DEFB104B: variants seen among roughly 807,000 people sequenced by gnomAD.
DEFB104B encodes beta-defensin 104.
At chr8:7,474,400 G>T (rs528904410) in intron 1 of DEFB104B, among the ~76,000 whole-genome samples, 2 of 143,296 alleles carry the variant, frequency 1.4e-5, no homozygotes, top group South Asian at 4.3e-4. Flanking sequence ...ATAGATTAAC[G>T]TAGGAGTCAG....
At chr8:7,472,045 C>G (rs1196504423) in intron 1 of DEFB104B, among the ~76,000 whole-genome samples, 2 of 151,284 alleles carry the variant, frequency 1.3e-5, no homozygotes, top group Admixed American at 1.3e-4. Flanking sequence ...TGGAATGGCC[C>G]CACAGCGGGT....
In DEFB104B at chr8:7,474,758, A is replaced by T. The variant is rs367883922; in HGVS notation, c.58+253T>A. Among the ~76,000 whole-genome samples, 16 of 137,116 alleles carry T rather than the reference A, an allele frequency of 1.2e-4. 1 individual carries two copies. Among genetic ancestry groups the T allele is most frequent in the South Asian group, 1.1e-3 (5 of 4,382 alleles). 90.0% of individuals were successfully genotyped at this position (137,116 alleles called of 152,430 possible). Reference sequence around the variant, plus strand: ...ACCGTGTGTGGCCAGGGTGCCAAGGACATCTAGGACTCCTGATCCCTACGT... The same window carrying T: ...ACCGTGTGTGGCCAGGGTGCCAAGGTCATCTAGGACTCCTGATCCCTACGT... On this transcript the variant is annotated intron_variant, in intron 1 of 1. Transcript: ENST00000316169.
intron 1 of DEFB104B, among the ~76,000 whole-genome samples, chr8:7,474,534 C>G (rs1306950055): frequency 7.1e-6 from 1 of 141,358 alleles, no homozygotes; most frequent in African/African-American, 2.6e-5. Flanking sequence ...TCCTAATCAT[C>G]TGACTTGATA....
intron 1 of DEFB104B, among the ~76,000 whole-genome samples, chr8:7,474,548 A>G (rs1811063326): frequency 7.1e-6 from 1 of 141,324 alleles, no homozygotes; most frequent in Admixed American, 7.1e-5. Context: ...CTTGATATGA[A>G]AAGTTGCAAA....
At chr8:7,474,531 C>A (rs1254768044) in intron 1 of DEFB104B, among the ~76,000 whole-genome samples, 3 of 141,422 alleles carry the variant, frequency 2.1e-5, no homozygotes, top group Non-Finnish European at 4.8e-5. Context: ...TAATCCTAAT[C>A]ATCTGACTTG....
intron 1 of DEFB104B, among the ~76,000 whole-genome samples, chr8:7,471,327 C>A (rs1274107596): frequency 1.7e-5 from 2 of 120,966 alleles, no homozygotes; most frequent in African/African-American, 6.5e-5. Flanking sequence ...CATTGTGTAA[C>A]TGCTACCAGG....
intron 1 of DEFB104B, among the ~76,000 whole-genome samples, chr8:7,471,133 G>A (rs1253580359): frequency 2.6e-5 from 4 of 151,946 alleles, no homozygotes; most frequent in Non-Finnish European, 4.4e-5. Context: ...ATCACCTATC[G>A]CAAGTTGTAG....
intron 1 of DEFB104B, among the ~76,000 whole-genome samples, chr8:7,472,262 A>G (rs1405716623): frequency 1.4e-5 from 2 of 139,124 alleles, no homozygotes; most frequent in Non-Finnish European, 3.0e-5. Flanking sequence ...AAAAGAGGAC[A>G]GCATGCTTGC....
chr8:7,474,189 A>T (rs1811048760), intron 1 of DEFB104B, among the ~76,000 whole-genome samples: 1 of 143,348 alleles, frequency 7.0e-6, no homozygotes, highest in Non-Finnish European at 1.6e-5. Flanking sequence ...AGCAGCTTGG[A>T]AGAGAAGATC....
chr8:7,471,199 T>G (rs866615197), intron 1 of DEFB104B, among the ~76,000 whole-genome samples: 2,190 of 141,130 alleles, frequency 0.016, 5 homozygotes, highest in African/African-American at 0.056. Context: ...TAGAGAGAGA[T>G]ACATACAAAC....
rs1316612910 is a variant in DEFB104B at position 7,472,848 on chromosome 8, TG to T, written c.58+2162del. 2.3e-4 allele frequency among the ~76,000 whole-genome samples: 31 copies of T among 135,496 alleles called. 3 individuals are homozygous for T. The highest frequency in any genetic ancestry group is 8.7e-4 in the African/African-American group (29 of 33,418). The allele number at this position is 135,496 out of a possible 152,430, so 88.9% of individuals were successfully genotyped here. ...TAAGATTTGCTTTGTTTTTTTTGTT[TG>T]TTTGTTTGTTTGTTTGGTTTTTTTT... On this transcript the variant is annotated intron_variant, in intron 1 of 1. Transcript: ENST00000316169.
At position 7,473,174 on chromosome 8, in the gene DEFB104B, T is replaced by C. The variant is rs868535224; in HGVS notation, c.58+1837A>G. On this transcript the variant is annotated intron_variant, in intron 1 of 1. Coordinates refer to ENST00000316169, the MANE Select transcript of DEFB104B (RefSeq NM_001040702.1). ...ACCTGGCTGATTTACATTGGTTTGGTCCAGAAAGGTGGGACAATTCAAAGT... is the reference window on the plus strand; with the variant it reads ...ACCTGGCTGATTTACATTGGTTTGGCCCAGAAAGGTGGGACAATTCAAAGT... Among the ~76,000 whole-genome samples, 739 of 85,578 alleles carry C rather than the reference T, an allele frequency of 8.6e-3. 5 individuals carry two copies. Among genetic ancestry groups the C allele is most frequent in the African/African-American group, 0.023 (689 of 30,188 alleles). The allele number at this position is 85,578 out of a possible 152,430, so 56.1% of individuals were successfully genotyped here.
At chr8:7,471,951 G>T (rs1398011193) in intron 1 of DEFB104B, among the ~76,000 whole-genome samples, 1 of 150,710 alleles carries the variant, frequency 6.6e-6, no homozygotes, top group Non-Finnish European at 1.5e-5. Flanking sequence ...AGGTATCAAG[G>T]TTCTTTGTCC....
At chr8:7,472,799 A>T (rs1215258978) in intron 1 of DEFB104B, among the ~76,000 whole-genome samples, 3 of 135,706 alleles carry the variant, frequency 2.2e-5, no homozygotes, top group African/African-American at 8.9e-5. Flanking sequence ...TTTTAGGGAG[A>T]CATAATACAT....
chr8:7,471,040 T>C (rs1810919762), intron 1 of DEFB104B, among the ~76,000 whole-genome samples: 1 of 151,928 alleles, frequency 6.6e-6, no homozygotes, highest in Non-Finnish European at 1.5e-5. Flanking sequence ...GTTCCCAATA[T>C]TGGGCAAATC....
At position 7,472,920 on chromosome 8, in the gene DEFB104B, G is replaced by A. The variant is rs1474054391; in HGVS notation, c.58+2091C>T. Among the ~76,000 whole-genome samples, 96 of 118,574 alleles carry A rather than the reference G, an allele frequency of 8.1e-4. 3 individuals carry two copies. Among genetic ancestry groups the A allele is most frequent in the Admixed American group, 1.4e-3 (16 of 11,228 alleles). The allele number at this position is 118,574 out of a possible 152,430, so 77.8% of individuals were successfully genotyped here. On this transcript the variant is annotated intron_variant, in intron 1 of 1. Coordinates refer to ENST00000316169, the MANE Select transcript of DEFB104B (RefSeq NM_001040702.1). ...CGCCTAGGGTAGAGTGCAATGGCAC[G>A]ATCTCAGCTCACTGCAACCTCCACC...
chr8:7,470,953 G>A (rs1305774854), intron 1 of DEFB104B, among the ~76,000 whole-genome samples: 8 of 123,934 alleles, frequency 6.5e-5, no homozygotes, highest in Admixed American at 2.7e-4. Context: ...ACCTTCACGT[G>A]CACTGTCCCC....
intron 1 of DEFB104B, among the ~76,000 whole-genome samples, chr8:7,471,155 T>A (rs1385347387): frequency 6.6e-6 from 1 of 150,918 alleles, no homozygotes; most frequent in Non-Finnish European, 1.5e-5. Flanking sequence ...TATATATCTA[T>A]GTATCTATAT....
At chr8:7,472,353 CA>C (rs1370181317) in intron 1 of DEFB104B, among the ~76,000 whole-genome samples, 2 of 124,568 alleles carry the variant, frequency 1.6e-5, no homozygotes, top group Non-Finnish European at 3.3e-5. Context: ...GTTAGACTGT[CA>C]GTTTCAAACA....
Sources: gnomAD v4.1 joint callset for allele counts (sites outside exome capture counted in the v4.1 genomes callset) on GRCh38, gnomAD v4.1.1 for gene constraint, MANE v1.5 for transcripts, NCBI Gene and HGNC (gene_info 2026-07-23, HGNC 2026-07-21) for gene names.